The following SYT17 variants were observed in gnomAD, a reference collection of about 807,000 sequenced individuals.
SYT17 encodes the protein synaptotagmin 17, also known as synaptotagmin-17.
SYT17 carries 22 observed loss-of-function variants against 46.7 expected under a neutral mutation model. That is an observed-to-expected ratio of 0.47 (90% CI 0.34 to 0.67). The LOEUF (loss-of-function observed/expected upper bound fraction) is 0.67. Among genes scored for constraint, SYT17 ranks in the 30% least tolerant of loss-of-function variants. The probability of loss-of-function intolerance (pLI) is 0.01; values close to 1 mark genes in which losing one functional copy is unlikely to be tolerated. For missense variants in SYT17, 519 were observed against 612.8 expected (o/e 0.85, Z 1.62); for synonymous variants, 251 against 248.4 (o/e 1.01, Z -0.10).
intron 5 of SYT17, among the ~76,000 whole-genome samples, chr16:19,215,318 CA>C (rs1292800853): frequency 3.3e-5 from 5 of 152,194 alleles, no homozygotes; most frequent in African/African-American, 1.2e-4. Flanking sequence ...CACTTAACAA[CA>C]ACAACAAACC....
chr16:19,172,604 T>C (rs1227733299), intron 1 of SYT17, 156 bp from the exon 2 acceptor site: 1 of 1,531,282 alleles, frequency 6.5e-7, no homozygotes, highest in East Asian at 2.4e-5. Flanking sequence ...GTCAGCTCCC[T>C]TCCCAGGATG....
At chr16:19,243,459 G>A (rs113981359) in intron 7 of SYT17, among the ~76,000 whole-genome samples, 20 of 152,252 alleles carry the variant, frequency 1.3e-4, no homozygotes, top group African/African-American at 4.1e-4. Flanking sequence ...CCTTGTGCAA[G>A]GTCACCCTTG....
chr16:19,173,012 T>G (rs1964161828), intron 2 of SYT17: 9 of 595,216 alleles, frequency 1.5e-5, no homozygotes, highest in Non-Finnish European at 2.3e-5. Context: ...ATTATCTCTG[T>G]CTGTTTCATG....
At chr16:19,178,088 CT>C (rs34305511) in intron 3 of SYT17, among the ~76,000 whole-genome samples, 269 of 144,282 alleles carry the variant, frequency 1.9e-3, no homozygotes, top group African/African-American at 1.7e-3. Flanking sequence ...AGTGATTCTC[CT>C]TTTTTTTTTT....
chr16:19,267,813 T>C lies in SYT17; in HGVS notation c.*737T>C, dbSNP rs772139137. ...AACACGTGTGTGCCTATGTGTCCTC[T>C]TGGAGAGCATGGCGATGGGCCAGGA... On this transcript the variant is annotated 3_prime_UTR_variant, in exon 8 of 8. Coordinates refer to ENST00000355377, the MANE Select transcript of SYT17 (RefSeq NM_016524.4). 2 of 152,296 alleles carry C rather than the reference T, an allele frequency of 1.3e-5. No individual in the cohort carries two copies. Among genetic ancestry groups the C allele is most frequent in the African/African-American group, 2.4e-5 (1 of 41,466 alleles). The allele number at this position is 152,296 out of a possible 1,614,324, so 9.4% of individuals were successfully genotyped here. A position where few individuals can be genotyped will look rare whatever the true frequency, so the allele number is the denominator to read the frequency against.
chr16:19,235,487 A>C (rs1273561297), intron 7 of SYT17, among the ~76,000 whole-genome samples: 1 of 152,248 alleles, frequency 6.6e-6, no homozygotes, highest in African/African-American at 2.4e-5. Flanking sequence ...GATTTAAGCA[A>C]GACCTAGAGT....
intron 7 of SYT17, among the ~76,000 whole-genome samples, chr16:19,243,710 C>T (rs913951426): frequency 6.7e-6 from 1 of 149,126 alleles, no homozygotes; most frequent in African/African-American, 2.5e-5. Flanking sequence ...CCCAGCTACT[C>T]GGGAGGCTGA....
chr16:19,218,382 T>C (rs1247299030), intron 5 of SYT17, among the ~76,000 whole-genome samples: 2 of 152,182 alleles, frequency 1.3e-5, no homozygotes, highest in Non-Finnish European at 2.9e-5. Flanking sequence ...ACAGAAACAG[T>C]GGCCGGATCA....
At chr16:19,258,288 G>A (rs1004719297) in intron 7 of SYT17, among the ~76,000 whole-genome samples, 1 of 152,042 alleles carries the variant, frequency 6.6e-6, no homozygotes, top group Non-Finnish European at 1.5e-5. Context: ...GGGAAGGGTG[G>A]CAATTGTGTC....
chr16:19,191,886 G>A (rs561809066), intron 5 of SYT17, among the ~76,000 whole-genome samples: 28 of 152,218 alleles, frequency 1.8e-4, no homozygotes, highest in South Asian at 4.1e-4. Flanking sequence ...TCGGGTTCAA[G>A]TGATTCTCCT....
intron 7 of SYT17, among the ~76,000 whole-genome samples, chr16:19,252,458 CAT>C (rs1332187945): frequency 0.01 from 59 of 5,800 alleles, 19 homozygotes; most frequent in African/African-American, 0.02. Context: ...CACATATATA[CAT>C]ATATATATAC....
At chr16:19,182,933 ACT>A (rs1964616108) in intron 4 of SYT17, among the ~76,000 whole-genome samples, 1 of 152,134 alleles carries the variant, frequency 6.6e-6, no homozygotes, top group African/African-American at 2.4e-5. Context: ...GCCGTTATTG[ACT>A]CTATTTTACT....
intron 5 of SYT17, among the ~76,000 whole-genome samples, chr16:19,197,217 ATGT>A (rs1288538751): frequency 6.6e-6 from 1 of 152,198 alleles, no homozygotes; most frequent in African/African-American, 2.4e-5. Flanking sequence ...TGTTTTGGCA[ATGT>A]TGTGTGGCCA....
intron 7 of SYT17, among the ~76,000 whole-genome samples, chr16:19,260,452 G>A (rs1467862465): frequency 7.1e-6 from 1 of 140,826 alleles, no homozygotes; most frequent in Non-Finnish European, 1.5e-5. Flanking sequence ...AGAAGTTGCA[G>A]TGACCTGAGA....
At chr16:19,192,130 T>G (rs1333859460) in intron 5 of SYT17, among the ~76,000 whole-genome samples, 1 of 152,182 alleles carries the variant, frequency 6.6e-6, no homozygotes, top group East Asian at 1.9e-4. Flanking sequence ...GTTGAGAGTG[T>G]AAGCCATGGC....
At chr16:19,175,591 C>T (rs1964281524) in intron 3 of SYT17, among the ~76,000 whole-genome samples, 1 of 133,486 alleles carries the variant, frequency 7.5e-6, no homozygotes, top group South Asian at 2.3e-4. Flanking sequence ...GTCAGGGCTG[C>T]AGTGAGCTAT....
At chr16:19,220,003 G>A (rs1301805451) in intron 5 of SYT17, among the ~76,000 whole-genome samples, 1 of 152,188 alleles carries the variant, frequency 6.6e-6, no homozygotes, top group African/African-American at 2.4e-5. Context: ...TGTGTCAGCA[G>A]GGTCATGCCC....
chr16:19,247,322 C>T (rs552887112), intron 7 of SYT17, among the ~76,000 whole-genome samples: 146 of 152,346 alleles, frequency 9.6e-4, no homozygotes, highest in African/African-American at 3.4e-3. Flanking sequence ...GCATCCTCAC[C>T]TATATCTCTG....
chr16:19,174,467 G>A (rs1387706934), intron 3 of SYT17, among the ~76,000 whole-genome samples: 1 of 152,206 alleles, frequency 6.6e-6, no homozygotes, highest in African/African-American at 2.4e-5. Context: ...AGTGGAAGGA[G>A]GCAGCGCTGT....
Sources: gnomAD v4.1 joint callset for allele counts (sites outside exome capture counted in the v4.1 genomes callset) on GRCh38, gnomAD v4.1.1 for gene constraint, MANE v1.5 for transcripts, NCBI Gene and HGNC (gene_info 2026-07-23, HGNC 2026-07-21) for gene names.